ASCC3: variants seen among roughly 807,000 people sequenced by gnomAD.
The protein encoded by ASCC3 is ASC-1 complex subunit P200.
In ASCC3, 158 loss-of-function variants were observed where a neutral mutation model predicts 256.3. The observed-to-expected ratio is 0.62, with a 90% CI of 0.54 to 0.70. The LOEUF is 0.70. Among genes scored for constraint, ASCC3 ranks in the 30% least tolerant of loss-of-function variants. ASCC3 has a pLI of 0.00. For missense variants in ASCC3, 2,259 were observed against 2,626.0 expected (o/e 0.86, Z 3.05); for synonymous variants, 948 against 883.4 (o/e 1.07, Z -1.30).
Position 100,606,991 on chromosome 6 carries a change from C to G in ASCC3, c.4883G>C (p.Arg1628Pro). Reference protein sequence around the residue: ...MHHAGLHERDRKTVEELFVNC... With the variant: ...MHHAGLHERDPKTVEELFVNC... ...TACAAATAGTTCCTCTACTGTTTTT[C>G]GGTCCCTCTCATGTAGTCCAGCATG... The change falls in exon 31 of 42, where the codon CGA becomes CCA. Residue 1628 changes from arginine (R) to proline (P), a missense_variant. Coordinates refer to ENST00000369162, the MANE Select transcript of ASCC3 (RefSeq NM_006828.4). 1.9e-6 allele frequency: 3 copies of G among 1,613,538 alleles called. No individual in the cohort carries two copies. Among genetic ancestry groups the G allele is most frequent in the Non-Finnish European group, 2.5e-6 (3 of 1,179,752 alleles).
At chr6:100,713,193 T>C (rs780525382) in intron 13 of ASCC3, among the ~76,000 whole-genome samples, 1 of 152,104 alleles carries the variant, frequency 6.6e-6, no homozygotes, top group Non-Finnish European at 1.5e-5. Context: ...GGCAGGTGAA[T>C]AGATAAACAA....
At chr6:100,717,130 A>C (rs1779122754) in intron 12 of ASCC3, among the ~76,000 whole-genome samples, 1 of 151,948 alleles carries the variant, frequency 6.6e-6, no homozygotes. Context: ...GACTCCCTAG[A>C]ATTCTAAAGA....
At chr6:100,719,579 A>G (rs1457517908) in intron 11 of ASCC3, among the ~76,000 whole-genome samples, 1 of 152,094 alleles carries the variant, frequency 6.6e-6, no homozygotes, top group Non-Finnish European at 1.5e-5. Flanking sequence ...TTTAAATCTA[A>G]AAGTATAATT....
chr6:100,711,338 A>G (rs1289621741), intron 13 of ASCC3, among the ~76,000 whole-genome samples: 1 of 152,252 alleles, frequency 6.6e-6, no homozygotes, highest in African/African-American at 2.4e-5. Flanking sequence ...GATTAAAAAG[A>G]TAAAATATCT....
At chr6:100,760,598 T>A (rs1454174300) in intron 10 of ASCC3, among the ~76,000 whole-genome samples, 3 of 152,054 alleles carry the variant, frequency 2.0e-5, no homozygotes, top group Non-Finnish European at 4.4e-5. Context: ...TGAAACAAAT[T>A]AAAAAATAGA....
chr6:100,784,167 C>T (rs1768837268), intron 8 of ASCC3, among the ~76,000 whole-genome samples: 2 of 151,960 alleles, frequency 1.3e-5, no homozygotes, highest in South Asian at 2.1e-4. Context: ...AACCAAGTAA[C>T]ATAATTTATA....
intron 14 of ASCC3, among the ~76,000 whole-genome samples, chr6:100,665,940 T>C (rs1003368814): frequency 6.6e-6 from 1 of 152,118 alleles, no homozygotes; most frequent in Non-Finnish European, 1.5e-5. Context: ...TTTCTCCACC[T>C]TAAAAAAACC....
chr6:100,615,985 A>G (rs1773648078), intron 30 of ASCC3, among the ~76,000 whole-genome samples: 1 of 152,226 alleles, frequency 6.6e-6, no homozygotes, highest in East Asian at 1.9e-4. Flanking sequence ...TATAAAAAAC[A>G]GGTCCTTTGA....
intron 13 of ASCC3, among the ~76,000 whole-genome samples, chr6:100,713,331 A>G (rs888205076): frequency 2.0e-5 from 3 of 152,198 alleles, no homozygotes; most frequent in Non-Finnish European, 4.4e-5. Flanking sequence ...AAAAGGCTAC[A>G]TACTATGTGG....
At chr6:100,854,523 CAA>C (rs1157497681) in intron 3 of ASCC3, among the ~76,000 whole-genome samples, 1 of 151,838 alleles carries the variant, frequency 6.6e-6, no homozygotes, top group Non-Finnish European at 1.5e-5. Context: ...GGAAAGCAAA[CAA>C]AGATATTTGT....
intron 13 of ASCC3, among the ~76,000 whole-genome samples, chr6:100,686,223 A>G (rs1446443138): frequency 6.6e-6 from 1 of 152,202 alleles, no homozygotes; most frequent in East Asian, 1.9e-4. Flanking sequence ...GTACATAGTA[A>G]GTGATCAACA....
At chr6:100,863,412 G>T (rs774454123) in intron 3 of ASCC3, among the ~76,000 whole-genome samples, 7 of 152,100 alleles carry the variant, frequency 4.6e-5, no homozygotes, top group Non-Finnish European at 8.8e-5. Context: ...TATAATAAGC[G>T]ACTGAGCTAC....
intron 13 of ASCC3, among the ~76,000 whole-genome samples, chr6:100,680,444 C>A (rs192798988): frequency 1.4e-3 from 216 of 152,304 alleles, no homozygotes; most frequent in African/African-American, 4.9e-3. Flanking sequence ...TGCTCCCTGT[C>A]AGTACCTGCC....
chr6:100,590,122 C>CA, intron 34 of ASCC3, 63 bp from the exon 35 acceptor site: 1 of 1,057,822 alleles, frequency 9.5e-7, no homozygotes. Context: ...ACTATCACCT[C>CA]AGTTTCACAG....
At chr6:100,558,407 T>C (rs1284782712) in intron 36 of ASCC3, among the ~76,000 whole-genome samples, 5 of 152,148 alleles carry the variant, frequency 3.3e-5, no homozygotes, top group Admixed American at 3.3e-4. Context: ...AATACATTGC[T>C]TAAAATTAAG....
At chr6:100,608,461 A>C (rs1157875036) in intron 30 of ASCC3, among the ~76,000 whole-genome samples, 1 of 26,166 alleles carries the variant, frequency 3.8e-5, no homozygotes, top group Non-Finnish European at 6.1e-5. Context: ...ATATATATAT[A>C]CTTTATATAT....
intron 4 of ASCC3, among the ~76,000 whole-genome samples, chr6:100,815,226 A>G (rs1405892884): frequency 6.6e-6 from 1 of 152,104 alleles, no homozygotes; most frequent in Non-Finnish European, 1.5e-5. Flanking sequence ...ACAGATCTCT[A>G]CAAAAGGAAC....
intron 10 of ASCC3, 40 bp from the exon 11 acceptor site, chr6:100,725,743 A>C: frequency 6.2e-7 from 1 of 1,605,908 alleles, no homozygotes; most frequent in Non-Finnish European, 8.5e-7. Context: ...AAAGTTACAT[A>C]GGTTATTTAA....
At chr6:100,634,260 T>C (rs950289496) in intron 25 of ASCC3, among the ~76,000 whole-genome samples, 5 of 152,214 alleles carry the variant, frequency 3.3e-5, no homozygotes, top group Non-Finnish European at 5.9e-5. Context: ...GAACCTTCAA[T>C]ATCCTTCTTC....
Sources: allele counts gnomAD v4.1 joint callset (sites outside exome capture counted in the v4.1 genomes callset), GRCh38; gene constraint gnomAD v4.1.1; transcripts MANE v1.5; gene names NCBI Gene and HGNC (gene_info 2026-07-23, HGNC 2026-07-21).